TBCA: variants seen among roughly 807,000 people sequenced by gnomAD.
The protein encoded by TBCA is tubulin-specific chaperone A.
Under a neutral mutation model 15.8 loss-of-function variants are expected in TBCA, and 6 were observed. The observed-to-expected ratio is 0.38, with a 90% CI of 0.21 to 0.75. The LOEUF (loss-of-function observed/expected upper bound fraction) is 0.75, where lower values mean the gene tolerates loss of function less well. Among genes scored for constraint, TBCA ranks in the 30% least tolerant of loss-of-function variants. The pLI is 0.46. For synonymous variants in TBCA, 32 were observed against 42.3 expected (o/e 0.76, Z 0.94); for missense variants, 90 against 131.2 (o/e 0.69, Z 1.53).
chr5:77,693,382 A>C, intron 2 of TBCA, 30 bp from the exon 3 acceptor site: 14 of 1,596,720 alleles, frequency 8.8e-6, no homozygotes, highest in Non-Finnish European at 1.2e-5. Context: ...GAGACGTTCA[A>C]AGATGGCAGA....
chr5:77,766,750 G>A (rs1747786926), intron 1 of TBCA, among the ~76,000 whole-genome samples: 1 of 22,390 alleles, frequency 4.5e-5, no homozygotes, highest in Admixed American at 4.7e-4. Flanking sequence ...GCCCGCCTCG[G>A]CCTCCCAAAG....
chr5:77,714,744 T>C (rs1386307319), intron 1 of TBCA, among the ~76,000 whole-genome samples: 1 of 152,016 alleles, frequency 6.6e-6, no homozygotes, highest in Non-Finnish European at 1.5e-5. Flanking sequence ...TTTTTTGTAT[T>C]TCTAGTAGAG....
At chr5:77,737,335 T>C (rs138545989) in intron 1 of TBCA, among the ~76,000 whole-genome samples, 1,565 of 152,330 alleles carry the variant, frequency 0.01, 31 homozygotes, top group African/African-American at 0.035. Flanking sequence ...TCTCTAGTGA[T>C]TGTTTTCCAG....
chr5:77,760,789 C>A (rs540282014), intron 1 of TBCA, among the ~76,000 whole-genome samples: 21 of 152,322 alleles, frequency 1.4e-4, no homozygotes, highest in African/African-American at 5.1e-4. Context: ...ACCTCCCAGC[C>A]GCCTGCCTTG....
chr5:77,713,342 C>A (rs1231654907), intron 1 of TBCA, among the ~76,000 whole-genome samples: 1 of 152,008 alleles, frequency 6.6e-6, no homozygotes, highest in Non-Finnish European at 1.5e-5. Context: ...GGATAATAAT[C>A]ACTTCCAATG....
intron 1 of TBCA, among the ~76,000 whole-genome samples, chr5:77,775,519 C>T (rs543476545): frequency 6.6e-6 from 1 of 152,228 alleles, no homozygotes; most frequent in Admixed American, 6.5e-5. Flanking sequence ...TGGGCACGTC[C>T]TTGGCAAAAT....
At chr5:77,729,256 G>A (rs1206563036) in intron 1 of TBCA, among the ~76,000 whole-genome samples, 1 of 152,048 alleles carries the variant, frequency 6.6e-6, no homozygotes, top group Non-Finnish European at 1.5e-5. Context: ...AGAGGTTGCA[G>A]TGAGCCAAGA....
intron 1 of TBCA, among the ~76,000 whole-genome samples, chr5:77,748,597 T>A (rs1747242306): frequency 6.6e-6 from 1 of 152,088 alleles, no homozygotes; most frequent in African/African-American, 2.4e-5. Flanking sequence ...TTTACAATGA[T>A]GTAGAAAGTA....
intron 1 of TBCA, among the ~76,000 whole-genome samples, chr5:77,726,726 AATG>A (rs1746637918): frequency 6.6e-6 from 1 of 152,208 alleles, no homozygotes; most frequent in Admixed American, 6.5e-5. Context: ...GGAGAAGCTG[AATG>A]ATAACATTTT....
At chr5:77,775,233 C>T (rs567655439) in intron 1 of TBCA, among the ~76,000 whole-genome samples, 13 of 152,280 alleles carry the variant, frequency 8.5e-5, no homozygotes, top group Non-Finnish European at 1.5e-4. Context: ...TTCATTTAGC[C>T]GACTAAGGCA....
intron 2 of TBCA, among the ~76,000 whole-genome samples, chr5:77,703,761 A>C (rs1484278044): frequency 6.6e-6 from 1 of 152,038 alleles, no homozygotes; most frequent in Non-Finnish European, 1.5e-5. Flanking sequence ...GTATCCTAAT[A>C]AAATTTTTTT....
At chr5:77,766,567 T>C (rs1747783681) in intron 1 of TBCA, among the ~76,000 whole-genome samples, 1 of 23,164 alleles carries the variant, frequency 4.3e-5, no homozygotes, top group African/African-American at 1.8e-4. Context: ...GGGAGTGCTG[T>C]GGCGCGATCT....
At chr5:77,693,497 T>C in intron 2 of TBCA, 145 bp from the exon 3 acceptor site, 1 of 1,041,220 alleles carries the variant, frequency 9.6e-7, no homozygotes, top group Non-Finnish European at 1.4e-6. Context: ...ACTTAAATTG[T>C]ATTTATTAGA....
chr5:77,709,167 A>C (rs1407935537), intron 1 of TBCA, among the ~76,000 whole-genome samples: 1 of 152,170 alleles, frequency 6.6e-6, no homozygotes, highest in Non-Finnish European at 1.5e-5. Context: ...TTGTGCGTTT[A>C]ATTTTATGCC....
At chr5:77,719,376 C>T (rs1211136068) in intron 1 of TBCA, among the ~76,000 whole-genome samples, 2 of 152,110 alleles carry the variant, frequency 1.3e-5, no homozygotes, top group East Asian at 1.9e-4. Flanking sequence ...ATCTGAATAG[C>T]ACAAAAGAAT....
At chr5:77,768,370 T>C (rs1407319501) in intron 1 of TBCA, among the ~76,000 whole-genome samples, 1 of 152,164 alleles carries the variant, frequency 6.6e-6, no homozygotes, top group Non-Finnish European at 1.5e-5. Flanking sequence ...AAACTGGGGC[T>C]TTTAAAGGCT....
intron 1 of TBCA, among the ~76,000 whole-genome samples, chr5:77,711,851 C>T (rs899405285): frequency 3.3e-5 from 5 of 152,014 alleles, no homozygotes; most frequent in East Asian, 1.9e-4. Flanking sequence ...AAAGGTGCTG[C>T]GTATTTGCAT....
At position 77,776,314 on chromosome 5, in the gene TBCA, G is replaced by T. The variant is rs556453220; in HGVS notation, c.-57C>A. The T allele has an allele frequency of 2.7e-5, 42 of 1,546,510 alleles. No individual in the cohort carries two copies. The African/African-American group carries it at 2.7e-4, about 10-fold the overall frequency. On this transcript the variant is annotated 5_prime_UTR_variant, in exon 1 of 4. Coordinates refer to ENST00000380377, the MANE Select transcript of TBCA (RefSeq NM_004607.3). ...GAGAGCCGGGGTAACCGTGGAGGGC[G>T]ACGCGCAGAGGCTGCGGCTATTTAG...
chr5:77,721,574 A>T (rs189120350), intron 1 of TBCA, among the ~76,000 whole-genome samples: 5 of 152,238 alleles, frequency 3.3e-5, no homozygotes, highest in African/African-American at 1.2e-4. Flanking sequence ...GTATATGTTA[A>T]AGGGTCCATT....
Sources: allele counts gnomAD v4.1 joint callset (sites outside exome capture counted in the v4.1 genomes callset), GRCh38; gene constraint gnomAD v4.1.1; transcripts MANE v1.5; gene names NCBI Gene and HGNC (gene_info 2026-07-23, HGNC 2026-07-21).